The following ZNF516 variants were observed in gnomAD, a reference collection of about 807,000 sequenced individuals.
ZNF516 encodes the protein zinc finger protein 516.
ZNF516 carries 19 observed loss-of-function variants against 79.7 expected under a neutral mutation model. That is an observed-to-expected ratio of 0.24 (90% CI 0.17 to 0.35). ZNF516 has a LOEUF of 0.35. ZNF516 is among the 10% of genes least tolerant of loss of function. The pLI, the probability that ZNF516 is intolerant of heterozygous loss-of-function variation, is 1.00. For synonymous variants in ZNF516, 877 were observed against 739.5 expected, an observed-to-expected ratio of 1.19 and a Z score of -3.02; for missense variants, 1,678 against 1,679.5, an observed-to-expected ratio of 1.00 and a Z score of 0.02.
Position 76,493,159 on chromosome 18 carries a change from C to A in ZNF516, c.-272+1985G>T. 1 of 985,220 alleles carries A rather than the reference C, an allele frequency of 1.0e-6. No individual in the cohort carries two copies. Among genetic ancestry groups the A allele is most frequent in the Non-Finnish European group, 1.2e-6 (1 of 829,890 alleles). The allele number at this position is 985,220 out of a possible 1,614,324, so 61.0% of individuals were successfully genotyped here. A position where few individuals can be genotyped will look rare whatever the true frequency, so the allele number is the denominator to read the frequency against. On this transcript the variant is annotated intron_variant, in intron 1 of 6. Transcript: ENST00000443185. This position sits in a 1 kb window ranked among gnomAD's most constrained non-coding sequence, Gnocchi z 5.2. ...TTAATGGTAAAACAACAGCAGAGCT[C>A]TGAAAGTTAGCCATCTGCGCAGAGT...
rs690353 is a variant in ZNF516, at chr18:76,378,976, C to A, written c.3138G>T (p.Pro1046=). 3 of 1,613,374 alleles carry A rather than the reference C, an allele frequency of 1.9e-6. No individual in the cohort carries two copies. Among genetic ancestry groups the A allele is most frequent in the African/African-American group, 1.3e-5 (1 of 74,850 alleles). Residue 1046 remains proline, a synonymous_variant, in exon 4 of 7, where the codon CCG becomes CCT. Coordinates refer to ENST00000443185, the MANE Select transcript of ZNF516 (RefSeq NM_014643.4). ...GGCGCTTCTCATGCCCCTCGGCCAC[C>A]GGCTCCTGTTTGATGGAGTGTAGGA... ...PPVLHSIKQE[P]VAEGHEKRLD... is the part of the protein sequence containing the mutation.
intron 1 of ZNF516, among the ~76,000 whole-genome samples, chr18:76,476,499 T>C (rs1478625364): frequency 6.6e-6 from 1 of 152,236 alleles, no homozygotes; most frequent in Non-Finnish European, 1.5e-5. Flanking sequence ...ATCCAGGAGT[T>C]GCAGGACAGG....
intron 3 of ZNF516, among the ~76,000 whole-genome samples, chr18:76,433,711 G>A (rs1317995646): frequency 6.6e-6 from 1 of 152,158 alleles, no homozygotes; most frequent in Non-Finnish European, 1.5e-5. Flanking sequence ...TGGGCAGAAG[G>A]GTGGGAATCC....
chr18:76,496,205 G>T (rs1401762039), upstream of ZNF516: 5 of 1,197,642 alleles, frequency 4.2e-6, no homozygotes, highest in Middle Eastern at 3.5e-4. Context: ...GAGGGCGAGC[G>T]CCCCTTCACG....
chr18:76,391,008 C>T (rs900043651), intron 3 of ZNF516, among the ~76,000 whole-genome samples: 4 of 152,142 alleles, frequency 2.6e-5, no homozygotes, highest in African/African-American at 9.7e-5. Flanking sequence ...CTCATTGACA[C>T]TGGCAGGTGT....
chr18:76,409,958 G>C (rs2075353998), intron 3 of ZNF516, among the ~76,000 whole-genome samples: 2 of 152,186 alleles, frequency 1.3e-5, no homozygotes, highest in South Asian at 4.1e-4. Flanking sequence ...ATGGTAGTAA[G>C]TTTCACGAGA....
At chr18:76,445,123 G>A (rs1286692187) in intron 2 of ZNF516, among the ~76,000 whole-genome samples, 1 of 152,062 alleles carries the variant, frequency 6.6e-6, no homozygotes, top group Non-Finnish European at 1.5e-5. Context: ...CAGGCATGAT[G>A]GTGTGCACCT....
chr18:76,367,412 G>GC (rs1365844647), intron 6 of ZNF516, among the ~76,000 whole-genome samples: 1 of 152,216 alleles, frequency 6.6e-6, no homozygotes, highest in Admixed American at 6.5e-5. Flanking sequence ...GACGGTGTCA[G>GC]CCCTGCCTAG....
intron 3 of ZNF516, among the ~76,000 whole-genome samples, chr18:76,417,010 G>C (rs1420298174): frequency 2.0e-5 from 3 of 152,156 alleles, no homozygotes; most frequent in African/African-American, 7.2e-5. Context: ...AAATAACTTG[G>C]AGAATACAGG....
Position 76,404,182 on chromosome 18 carries a change from G to A in ZNF516, c.1811-23879C>T, listed in dbSNP as rs565861169. ...AGCCCTGGGCAAAGGGAAGACCCTC[G>A]GAAGCAGGTGGTCCCACATGGTATC... On this transcript the variant is annotated intron_variant, in intron 3 of 6. Transcript: ENST00000443185. 9.2e-5 allele frequency among the ~76,000 whole-genome samples: 14 copies of A among 152,370 alleles called. No individual in the cohort carries two copies. In the South Asian group the frequency reaches 1.7e-3, roughly 18 times the overall value.
intron 3 of ZNF516, among the ~76,000 whole-genome samples, chr18:76,440,725 AGTGTGTGTGTGTGTGTTTGT>A (rs1226213684): frequency 1.7e-5 from 2 of 118,738 alleles, no homozygotes; most frequent in East Asian, 2.6e-4. Flanking sequence ...AGTGGAGGAA[AGTGTGTGTGTGTGTGTTTGT>A]GTGTGTGTGT....
chr18:76,464,705 AC>A (rs571134067), intron 1 of ZNF516, among the ~76,000 whole-genome samples: 19 of 149,126 alleles, frequency 1.3e-4, no homozygotes, highest in Non-Finnish European at 1.9e-4. Context: ...CCTCCCTGGC[AC>A]CCCCAGCCTG....
intron 3 of ZNF516, among the ~76,000 whole-genome samples, chr18:76,427,858 T>G (rs1473513720): frequency 6.6e-6 from 1 of 152,194 alleles, no homozygotes; most frequent in Non-Finnish European, 1.5e-5. Flanking sequence ...GAAAACACTC[T>G]TATGCTCACA....
At position 76,371,201 on chromosome 18, in the gene ZNF516, G is replaced by C. The variant is rs1599135145; in HGVS notation, c.3364+266C>G. On this transcript the variant is annotated intron_variant, in intron 5 of 6. Coordinates refer to ENST00000443185, the MANE Select transcript of ZNF516 (RefSeq NM_014643.4). ...TCATTAGCATATTCATTTCTGAGGA[G>C]TCAGTTACTCTCTAATTAAAATGGA... Among the ~76,000 whole-genome samples, 10 of 152,330 alleles carry C rather than the reference G, an allele frequency of 6.6e-5. No individual in the cohort carries two copies. In the South Asian group the frequency reaches 1.7e-3, roughly 25 times the overall value.
intron 3 of ZNF516, among the ~76,000 whole-genome samples, chr18:76,429,200 G>A (rs901669881): frequency 2.6e-5 from 4 of 152,244 alleles, no homozygotes; most frequent in African/African-American, 9.6e-5. Flanking sequence ...GCTGAGAAGT[G>A]AAAGATGCAG....
chr18:76,452,120 C>T (rs1912449699), intron 2 of ZNF516, among the ~76,000 whole-genome samples: 1 of 152,184 alleles, frequency 6.6e-6, no homozygotes, highest in African/African-American at 2.4e-5. Context: ...CCACCCACCT[C>T]CCCCACTAGG....
intron 3 of ZNF516, among the ~76,000 whole-genome samples, chr18:76,431,270 A>AC (rs1281410303): frequency 3.3e-5 from 5 of 150,434 alleles, no homozygotes; most frequent in African/African-American, 7.5e-5. Flanking sequence ...CACACACACA[A>AC]AAACACTTAT....
chr18:76,431,545 C>A (rs1196973701), intron 3 of ZNF516, among the ~76,000 whole-genome samples: 2 of 152,202 alleles, frequency 1.3e-5, no homozygotes, highest in African/African-American at 2.4e-5. Context: ...CGACCGATTC[C>A]CTTTGTTGGA....
intron 3 of ZNF516, among the ~76,000 whole-genome samples, chr18:76,405,430 G>A (rs952461282): frequency 4.6e-5 from 7 of 152,136 alleles, no homozygotes; most frequent in Non-Finnish European, 5.9e-5. Context: ...GTGAGGCACC[G>A]ACAGGGCGTG....
Sources: allele counts gnomAD v4.1 joint callset (sites outside exome capture counted in the v4.1 genomes callset), GRCh38; gene constraint gnomAD v4.1.1; non-coding constraint Gnocchi (gnomAD v3.1); transcripts MANE v1.5; gene names NCBI Gene and HGNC (gene_info 2026-07-23, HGNC 2026-07-21).